The following ZNF514 variants were observed in gnomAD, a reference collection of about 807,000 sequenced individuals.
The protein encoded by ZNF514 is zinc finger protein 514.
A neutral mutation model predicts 9.7 loss-of-function variants in ZNF514; 12 were observed. That is an observed-to-expected ratio of 1.24 (90% CI 0.79 to 2.01). The LOEUF is 2.01. Ranked by LOEUF, ZNF514 falls within the 30% of genes most tolerant of loss-of-function variation. The pLI, the probability that ZNF514 is intolerant of heterozygous loss-of-function variation, is 0.00. For synonymous variants in ZNF514, 158 were observed against 163.7 expected (o/e 0.97, Z 0.27); for missense variants, 467 against 465.5 (o/e 1.00, Z -0.03).
downstream of ZNF514, among the ~76,000 whole-genome samples, chr2:95,143,837 C>T (rs1293305206): frequency 1.3e-5 from 2 of 152,158 alleles, no homozygotes; most frequent in Non-Finnish European, 2.9e-5. Flanking sequence ...CAGTAATAAA[C>T]TTGGCTGAAG....
rs200939633 is a variant in ZNF514 at position 95,150,166 on chromosome 2, C to T, written c.319G>A (p.Val107Met). 1 of 1,609,480 alleles carries T rather than the reference C, an allele frequency of 6.2e-7. No homozygotes were observed. Among genetic ancestry groups the T allele is most frequent in the Non-Finnish European group, 8.5e-7 (1 of 1,179,900 alleles). ...GCTTTCAACTTCGAGAACTGCAGCA[C>T]ATCTTGAATGTGTTTTTCCACTGAT... Reference protein sequence around the residue: ...VVSVEKHIQDVLQFSKLKAAC... With the variant: ...VVSVEKHIQDMLQFSKLKAAC... The change falls in exon 5 of 5, where the codon GTG (valine) becomes ATG (methionine). Residue 107 changes from valine (V) to methionine (M), a missense_variant. Coordinates refer to ENST00000295208, the MANE Select transcript of ZNF514 (RefSeq NM_032788.3).
At chr2:95,153,056 C>T in intron 3 of ZNF514, 77 bp downstream of exon 3, 1 of 1,549,648 alleles carries the variant, frequency 6.5e-7, no homozygotes, top group South Asian at 1.2e-5. Context: ...AGCCAACCAG[C>T]CCAGACACCA....
intron 1 of ZNF514, chr2:95,158,746 C>T: frequency 8.9e-7 from 1 of 1,126,868 alleles, no homozygotes; most frequent in South Asian, 1.6e-5. Flanking sequence ...TCCCCTCCAC[C>T]TCCGCCACGG....
downstream of ZNF514, among the ~76,000 whole-genome samples, chr2:95,141,752 C>A (rs1023901344): frequency 1.3e-5 from 2 of 152,120 alleles, no homozygotes; most frequent in Admixed American, 6.5e-5. Flanking sequence ...GGGAATAAAT[C>A]AATCAAACTC....
the ZNF514 span, among the ~76,000 whole-genome samples, chr2:95,135,001 G>A: frequency 6.6e-6 from 1 of 152,138 alleles, no homozygotes; most frequent in Non-Finnish European, 1.5e-5. Context: ...TTGCTTTATA[G>A]TAAGTTTTGA....
rs1249733403 is a variant in ZNF514 at position 95,146,686 on chromosome 2, G to T, written c.*2596C>A. On this transcript the variant is annotated 3_prime_UTR_variant, in exon 5 of 5. Coordinates refer to ENST00000295208, the MANE Select transcript of ZNF514 (RefSeq NM_032788.3). ...AGGGCAGGACACTGGGTTCAAACTG[G>T]TAAGTATGGTTAATATGGCAAGGAT... 3.3e-5 allele frequency among the ~76,000 whole-genome samples: 5 copies of T among 150,734 alleles called. No individual in the cohort carries two copies. The highest frequency in any genetic ancestry group is 7.4e-5 in the Non-Finnish European group (5 of 67,776).
At chr2:95,143,329 A>G (rs143242391), downstream of ZNF514, among the ~76,000 whole-genome samples, 27 of 152,290 alleles carry the variant, frequency 1.8e-4, no homozygotes, top group African/African-American at 6.5e-4. Context: ...CTTGTGTAAT[A>G]AAGAACTTGG....
chr2:95,150,818 T>A (rs3112221), intron 4 of ZNF514, among the ~76,000 whole-genome samples: 120,667 of 152,138 alleles, frequency 0.79, 48,201 homozygotes, highest in African/African-American at 0.87. Flanking sequence ...ATAAACCCTT[T>A]ATCTTCCACT....
At chr2:95,135,752 T>G in the ZNF514 span, among the ~76,000 whole-genome samples, 7 of 151,964 alleles carry the variant, frequency 4.6e-5, no homozygotes. Context: ...TATTTTTGAA[T>G]TGTTCATCAC....
At chr2:95,140,133 G>A (rs1475438362), downstream of ZNF514, among the ~76,000 whole-genome samples, 4 of 151,950 alleles carry the variant, frequency 2.6e-5, no homozygotes, top group East Asian at 5.8e-4. Flanking sequence ...CCTGTCAGTG[G>A]GTGAGGGGAG....
At chr2:95,158,030 C>T (rs537656096) in intron 1 of ZNF514, among the ~76,000 whole-genome samples, 2 of 152,124 alleles carry the variant, frequency 1.3e-5, no homozygotes, top group Non-Finnish European at 2.9e-5. Context: ...AGCCTTAAAA[C>T]AAACAAAAAA....
chr2:95,124,261 T>C, the ZNF514 span, among the ~76,000 whole-genome samples: 7 of 152,192 alleles, frequency 4.6e-5, no homozygotes, highest in African/African-American at 1.7e-4. Flanking sequence ...CTCATCTCTA[T>C]AATTTTATCA....
intron 3 of ZNF514, 132 bp downstream of exon 3, chr2:95,153,001 A>G: frequency 8.1e-7 from 1 of 1,227,234 alleles, no homozygotes; most frequent in Non-Finnish European, 1.1e-6. Flanking sequence ...AAGAGAATGT[A>G]AATGTCTGAT....
the ZNF514 span, among the ~76,000 whole-genome samples, chr2:95,136,200 A>T: frequency 2.6e-5 from 4 of 152,196 alleles, no homozygotes; most frequent in Non-Finnish European, 5.9e-5. Flanking sequence ...TATACACAAG[A>T]TCATATCACT....
At chr2:95,153,859 T>C (rs1021351172) in intron 2 of ZNF514, 3 of 152,228 alleles carry the variant, frequency 2.0e-5, no homozygotes, top group African/African-American at 7.2e-5. Flanking sequence ...GCTTATATTG[T>C]ATGGCAATCC....
chr2:95,128,450 G>C, the ZNF514 span, among the ~76,000 whole-genome samples: 1 of 151,226 alleles, frequency 6.6e-6, no homozygotes, highest in Non-Finnish European at 1.5e-5. Flanking sequence ...CCAGCTACTT[G>C]AGAGCTGAGG....
chr2:95,135,996 A>G, the ZNF514 span, among the ~76,000 whole-genome samples: 3 of 152,034 alleles, frequency 2.0e-5, no homozygotes, highest in Admixed American at 1.3e-4. Flanking sequence ...CCTGGAAGGC[A>G]AAGGTTGCAG....
At chr2:95,128,774 G>A in the ZNF514 span, among the ~76,000 whole-genome samples, 1 of 151,078 alleles carries the variant, frequency 6.6e-6, no homozygotes, top group African/African-American at 2.4e-5. Flanking sequence ...GGGAGAAAGA[G>A]AAGGAGGAGG....
the ZNF514 span, among the ~76,000 whole-genome samples, chr2:95,131,860 G>C: frequency 6.6e-6 from 1 of 152,022 alleles, no homozygotes; most frequent in Non-Finnish European, 1.5e-5. Flanking sequence ...AGAATGAAAT[G>C]GGCCAGGTGC....
Sources: gnomAD v4.1 joint callset for allele counts (sites outside exome capture counted in the v4.1 genomes callset) on GRCh38, gnomAD v4.1.1 for gene constraint, MANE v1.5 for transcripts, NCBI Gene and HGNC (gene_info 2026-07-23, HGNC 2026-07-21) for gene names.